RHBDD1: variants seen among roughly 807,000 people sequenced by gnomAD.
RHBDD1 encodes the protein rhomboid domain containing 1, also known as rhomboid-related protein 4.
RHBDD1 carries 38 observed loss-of-function variants against 36.3 expected under a neutral mutation model. The observed-to-expected ratio is 1.05, with a 90% CI of 0.81 to 1.37. The LOEUF (loss-of-function observed/expected upper bound fraction) is 1.37. Ranked by LOEUF, RHBDD1 falls within the 40% of genes most tolerant of loss-of-function variation. RHBDD1 has a pLI of 0.00. For synonymous variants in RHBDD1, 151 were observed against 136.5 expected (o/e 1.11, Z -0.74); for missense variants, 393 against 377.6 (o/e 1.04, Z -0.34).
intron 4 of RHBDD1, among the ~76,000 whole-genome samples, chr2:226,866,878 A>G (rs988231369): frequency 1.3e-5 from 2 of 152,182 alleles, no homozygotes; most frequent in African/African-American, 4.8e-5. Flanking sequence ...TAGCATAACT[A>G]TTTTGTAGTG....
chr2:226,945,143 C>A (rs1002538845), intron 8 of RHBDD1, among the ~76,000 whole-genome samples: 2 of 100,506 alleles, frequency 2.0e-5, no homozygotes, highest in Non-Finnish European at 4.2e-5. Flanking sequence ...AAGATCAAAT[C>A]TGATTATTAT....
chr2:226,840,170 T>TA (rs1319584744), intron 3 of RHBDD1, among the ~76,000 whole-genome samples: 2 of 152,138 alleles, frequency 1.3e-5, no homozygotes, highest in Non-Finnish European at 2.9e-5. Flanking sequence ...GAGGGGGAGT[T>TA]ACTTTCAATC....
chr2:226,970,198 G>A (rs1231622640), intron 8 of RHBDD1, among the ~76,000 whole-genome samples: 3 of 151,834 alleles, frequency 2.0e-5, no homozygotes, highest in Non-Finnish European at 4.4e-5. Flanking sequence ...AGAATTGAAT[G>A]TATTTTCCCC....
intron 8 of RHBDD1, among the ~76,000 whole-genome samples, chr2:226,981,045 C>T (rs1955611408): frequency 6.6e-6 from 1 of 152,146 alleles, no homozygotes; most frequent in African/African-American, 2.4e-5. Context: ...ACTCCTTGGC[C>T]TTCCTGAGGC....
At chr2:226,844,894 A>G (rs1489139896) in intron 3 of RHBDD1, among the ~76,000 whole-genome samples, 1 of 152,226 alleles carries the variant, frequency 6.6e-6, no homozygotes, top group Non-Finnish European at 1.5e-5. Flanking sequence ...AAGATTATAT[A>G]CAAAATCTGG....
At chr2:226,812,594 G>T in the RHBDD1 span, among the ~76,000 whole-genome samples, 1 of 152,134 alleles carries the variant, frequency 6.6e-6, no homozygotes, top group African/African-American at 2.4e-5. Context: ...AATCCCCATG[G>T]TGGGGGGAAA....
the RHBDD1 span, among the ~76,000 whole-genome samples, chr2:226,824,441 C>T: frequency 6.6e-6 from 1 of 152,134 alleles, no homozygotes; most frequent in Non-Finnish European, 1.5e-5. Context: ...AAGAGACAGC[C>T]TTTACTTAAT....
chr2:226,966,870 G>C (rs1308643706), intron 8 of RHBDD1, among the ~76,000 whole-genome samples: 4 of 151,836 alleles, frequency 2.6e-5, no homozygotes, highest in Admixed American at 2.6e-4. Flanking sequence ...TGGGAGTGGG[G>C]TGGGTTGTGG....
At chr2:226,849,713 A>G (rs985256573) in intron 3 of RHBDD1, among the ~76,000 whole-genome samples, 10 of 150,298 alleles carry the variant, frequency 6.7e-5, no homozygotes, top group African/African-American at 2.5e-4. Flanking sequence ...ATCTATGCCT[A>G]TATCTATATC....
At chr2:226,806,988 A>G in the RHBDD1 span, among the ~76,000 whole-genome samples, 1 of 152,226 alleles carries the variant, frequency 6.6e-6, no homozygotes, top group African/African-American at 2.4e-5. Context: ...ACTAACCAAG[A>G]ATGATTTTTT....
At chr2:226,990,383 G>C (rs547883057) in intron 8 of RHBDD1, among the ~76,000 whole-genome samples, 56 of 152,274 alleles carry the variant, frequency 3.7e-4, no homozygotes, top group African/African-American at 1.3e-3. Flanking sequence ...GATTTATTTA[G>C]AGGTTTCCTG....
intron 3 of RHBDD1, among the ~76,000 whole-genome samples, chr2:226,853,888 A>C (rs1943072574): frequency 6.6e-6 from 1 of 152,176 alleles, no homozygotes; most frequent in African/African-American, 2.4e-5. Context: ...GGGCAACTCT[A>C]CGGAGTGTGC....
the RHBDD1 span, among the ~76,000 whole-genome samples, chr2:226,823,928 T>C: frequency 5.3e-5 from 8 of 152,302 alleles, no homozygotes; most frequent in Admixed American, 3.3e-4. Context: ...AATGTATTCA[T>C]GAAGGCAGAC....
chr2:226,957,011 CAATGAGGTATCTTTGAAGTTT>C (rs1459100824), intron 8 of RHBDD1, among the ~76,000 whole-genome samples: 1 of 152,144 alleles, frequency 6.6e-6, no homozygotes, highest in African/African-American at 2.4e-5. Flanking sequence ...TTGGTGGTCT[CAATGAGGTATCTTTGAAGTTT>C]ATGGAATTTC....
At chr2:226,810,540 CAAAAAAAAAAAAAAAA>C in the RHBDD1 span, among the ~76,000 whole-genome samples, 1 of 33,878 alleles carries the variant, frequency 3.0e-5, no homozygotes, top group African/African-American at 1.4e-4. Flanking sequence ...GACTCCGTCT[CAAAAAAAAAAAAAAAA>C]AAAAAAAAAG....
intron 5 of RHBDD1, among the ~76,000 whole-genome samples, chr2:226,904,774 G>A (rs908100444): frequency 6.6e-6 from 1 of 152,122 alleles, no homozygotes; most frequent in African/African-American, 2.4e-5. Context: ...GGTGTTTCAG[G>A]GAATCTCCCC....
At chr2:226,818,809 A>G in the RHBDD1 span, among the ~76,000 whole-genome samples, 1 of 152,030 alleles carries the variant, frequency 6.6e-6, no homozygotes, top group African/African-American at 2.4e-5. Flanking sequence ...ATTGCACTCC[A>G]GCCTGGGCAA....
chr2:226,984,899 C>T (rs1053502985), intron 8 of RHBDD1, among the ~76,000 whole-genome samples: 12 of 147,480 alleles, frequency 8.1e-5, no homozygotes, highest in African/African-American at 1.3e-4. Context: ...ATCTCACTTC[C>T]GCCCTTCTGA....
chr2:226,963,015 C>G (rs951713664), intron 8 of RHBDD1, among the ~76,000 whole-genome samples: 2 of 152,068 alleles, frequency 1.3e-5, no homozygotes, highest in African/African-American at 4.8e-5. Context: ...TGTGACTGCC[C>G]TGTGTATTGT....
Sources: allele counts gnomAD v4.1 joint callset (sites outside exome capture counted in the v4.1 genomes callset), GRCh38; gene constraint gnomAD v4.1.1; transcripts MANE v1.5; gene names NCBI Gene and HGNC (gene_info 2026-07-23, HGNC 2026-07-21).